PARD3: variants seen among roughly 807,000 people sequenced by gnomAD.
The protein encoded by PARD3 is par-3 family cell polarity regulator.
PARD3 carries 75 observed loss-of-function variants against 155.4 expected under a neutral mutation model. The observed-to-expected ratio is 0.48, with a 90% confidence interval of 0.40 to 0.58. The LOEUF (loss-of-function observed/expected upper bound fraction) is 0.58, where lower values mean the gene tolerates loss of function less well. Ranked by LOEUF, PARD3 falls within the 20% of genes least tolerant of loss-of-function variation. The probability of loss-of-function intolerance (pLI) is 0.00; values close to 1 mark genes in which losing one functional copy is unlikely to be tolerated. For synonymous variants in PARD3, 576 were observed against 610.5 expected, an observed-to-expected ratio of 0.94 and a Z score of 0.83; for missense variants, 1,642 against 1,721.7, an observed-to-expected ratio of 0.95 and a Z score of 0.82.
intron 5 of PARD3, among the ~76,000 whole-genome samples, chr10:34,404,632 C>T (rs1340854287): frequency 1.3e-5 from 2 of 151,988 alleles, no homozygotes; most frequent in Non-Finnish European, 2.9e-5. Flanking sequence ...CCCTACTCTC[C>T]ATTTCATAGC....
At chr10:34,520,319 C>A (rs2082067467) in intron 2 of PARD3, among the ~76,000 whole-genome samples, 1 of 152,040 alleles carries the variant, frequency 6.6e-6, no homozygotes, top group Non-Finnish European at 1.5e-5. Flanking sequence ...GAACCAGTAC[C>A]AGGGTTCATA....
intron 1 of PARD3, among the ~76,000 whole-genome samples, chr10:34,705,413 G>A (rs12781674): frequency 2.6e-5 from 4 of 151,864 alleles, no homozygotes; most frequent in Non-Finnish European, 4.4e-5. Flanking sequence ...ACTTGAGCCC[G>A]GGAGGTGGAC....
At chr10:34,226,298 C>G (rs557697446) in intron 22 of PARD3, among the ~76,000 whole-genome samples, 1 of 152,306 alleles carries the variant, frequency 6.6e-6, no homozygotes, top group African/African-American at 2.4e-5. Flanking sequence ...GCCTGTAATC[C>G]CAACGCTTTG....
intron 3 of PARD3, among the ~76,000 whole-genome samples, chr10:34,512,688 C>CT (rs2081471487): frequency 6.6e-6 from 1 of 152,054 alleles, no homozygotes; most frequent in Admixed American, 6.6e-5. Flanking sequence ...CTCCACGTTC[C>CT]TTTTTTAAAA....
chr10:34,795,562 A>C (rs988169372), intron 1 of PARD3, among the ~76,000 whole-genome samples: 1 of 152,018 alleles, frequency 6.6e-6, no homozygotes, highest in Non-Finnish European at 1.5e-5. Flanking sequence ...TAGTGAGCTG[A>C]CTGCACCACT....
chr10:34,509,955 T>G (rs2081306318), intron 3 of PARD3, among the ~76,000 whole-genome samples: 1 of 152,228 alleles, frequency 6.6e-6, no homozygotes, highest in African/African-American at 2.4e-5. Flanking sequence ...TCAACTAGTT[T>G]CTAGATCCCT....
At chr10:34,711,404 C>T (rs1590767034) in intron 1 of PARD3, among the ~76,000 whole-genome samples, 1 of 152,202 alleles carries the variant, frequency 6.6e-6, no homozygotes, top group African/African-American at 2.4e-5. Flanking sequence ...ATCTGTAATC[C>T]CAGCTACTCG....
chr10:34,314,335 G>A (rs1957873526), intron 20 of PARD3, among the ~76,000 whole-genome samples: 1 of 152,164 alleles, frequency 6.6e-6, no homozygotes, highest in Non-Finnish European at 1.5e-5. Context: ...TCTTCTCAAA[G>A]ACTAATGACT....
chr10:34,449,716 GA>G (rs2076957542), intron 5 of PARD3, among the ~76,000 whole-genome samples: 2 of 152,262 alleles, frequency 1.3e-5, no homozygotes, highest in East Asian at 3.9e-4. Context: ...TCCCAAGGCA[GA>G]AAACAATTAT....
chr10:34,360,386 G>A (rs1332012757), intron 12 of PARD3, 127 bp from the exon 13 acceptor site: 2 of 631,556 alleles, frequency 3.2e-6, no homozygotes. Flanking sequence ...AGGTTCCACA[G>A]CAAGATCCAT....
chr10:34,724,063 G>C (rs1199775003), intron 1 of PARD3, among the ~76,000 whole-genome samples: 1 of 152,206 alleles, frequency 6.6e-6, no homozygotes, highest in African/African-American at 2.4e-5. Flanking sequence ...CATCATTAAA[G>C]CAAGAACACA....
chr10:34,426,769 A>C (rs1330262789), intron 5 of PARD3: 1 of 152,256 alleles, frequency 6.6e-6, no homozygotes, highest in Non-Finnish European at 1.5e-5. Flanking sequence ...AAGAAGAGCA[A>C]TCCCAGAATC....
rs369494650 is a variant in PARD3 at position 34,395,689 on chromosome 10, T to A, written c.890+3641A>T. On this transcript the variant is annotated intron_variant, in intron 7 of 24. Coordinates refer to ENST00000374788, the MANE Select transcript of PARD3 (RefSeq NM_001184785.2). ...CGTCTCTACTAAAAATACAAAAAAT[T>A]AGCCGGGCGCGGTGGCGGGCGCCTG... Among the ~76,000 whole-genome samples the A allele has an allele frequency of 2.7e-4, 19 of 71,336 alleles. 3 individuals are homozygous for A. The East Asian group carries it at 6.1e-3, about 23-fold the overall frequency. 46.8% of individuals were successfully genotyped at this position (71,336 alleles called of 152,430 possible).
At chr10:34,495,864 C>T (rs1186667080) in intron 3 of PARD3, among the ~76,000 whole-genome samples, 4 of 151,280 alleles carry the variant, frequency 2.6e-5, no homozygotes, top group African/African-American at 4.9e-5. Context: ...AAACATGAAC[C>T]GTGAGGATGT....
At chr10:34,361,854 A>G (rs1159423342) in intron 12 of PARD3, among the ~76,000 whole-genome samples, 1 of 152,236 alleles carries the variant, frequency 6.6e-6, no homozygotes, top group East Asian at 1.9e-4. Flanking sequence ...TAAAACTTAT[A>G]TAATGAAGAA....
intron 2 of PARD3, among the ~76,000 whole-genome samples, chr10:34,549,509 T>G (rs928519398): frequency 3.3e-5 from 5 of 151,868 alleles, no homozygotes; most frequent in African/African-American, 1.2e-4. Context: ...TTGTTTGTTT[T>G]GGCTGCTGAT....
At chr10:34,145,364 A>G (rs1346929871) in intron 22 of PARD3, among the ~76,000 whole-genome samples, 1 of 150,724 alleles carries the variant, frequency 6.6e-6, no homozygotes, top group Non-Finnish European at 1.5e-5. Flanking sequence ...TCTGGAAAAG[A>G]TTCTTGTGTT....
intron 16 of PARD3, among the ~76,000 whole-genome samples, chr10:34,338,552 T>C (rs1460999405): frequency 1.3e-5 from 2 of 152,204 alleles, no homozygotes; most frequent in Admixed American, 6.5e-5. Flanking sequence ...GAATTTATGA[T>C]AGTCTTCCTC....
At chr10:34,416,290 A>G (rs1755623375) in intron 5 of PARD3, among the ~76,000 whole-genome samples, 1 of 152,182 alleles carries the variant, frequency 6.6e-6, no homozygotes, top group South Asian at 2.1e-4. Context: ...TGTCACAGTC[A>G]GCTATGCTTT....
Sources: gnomAD v4.1 joint callset for allele counts (sites outside exome capture counted in the v4.1 genomes callset) on GRCh38, gnomAD v4.1.1 for gene constraint, MANE v1.5 for transcripts, NCBI Gene and HGNC (gene_info 2026-07-23, HGNC 2026-07-21) for gene names.